LDAH: variants seen among roughly 807,000 people sequenced by gnomAD.
The protein encoded by LDAH is lipid droplet associated hydrolase, also known as lipid droplet-associated hydrolase.
A neutral mutation model predicts 29.6 loss-of-function variants in LDAH; 26 were observed. The ratio of observed to expected loss-of-function variants is 0.88; its 90% CI spans 0.64 to 1.22. The LOEUF (loss-of-function observed/expected upper bound fraction) is 1.22. Ranked by LOEUF, LDAH falls within the 50% of genes most tolerant of loss-of-function variation. The pLI, the probability that LDAH is intolerant of heterozygous loss-of-function variation, is 0.00. For synonymous variants in LDAH, 117 were observed against 133.0 expected (o/e 0.88, Z 0.83); for missense variants, 344 against 387.3 (o/e 0.89, Z 0.94).
At chr2:20,789,048 C>T (rs1038813837) in intron 3 of LDAH, 1 of 1,370,656 alleles carries the variant, frequency 7.3e-7, no homozygotes, top group Admixed American at 2.0e-5. Context: ...AGTAACATCG[C>T]TATTAAATCT....
chr2:20,724,484 A>G (rs71435583), intron 5 of LDAH, among the ~76,000 whole-genome samples: 6,031 of 152,322 alleles, frequency 0.04, 141 homozygotes, highest in Middle Eastern at 0.082. Context: ...AGAGACTGAC[A>G]GAGAAGGTTA....
intron 4 of LDAH, among the ~76,000 whole-genome samples, chr2:20,751,228 T>C (rs1305951645): frequency 6.6e-6 from 1 of 152,208 alleles, no homozygotes; most frequent in Non-Finnish European, 1.5e-5. Flanking sequence ...TTTTTAAAGG[T>C]AAAAAGCATA....
At chr2:20,779,511 C>T (rs932546532) in intron 3 of LDAH, among the ~76,000 whole-genome samples, 3 of 151,364 alleles carry the variant, frequency 2.0e-5, no homozygotes, top group Non-Finnish European at 4.4e-5. Flanking sequence ...TAATTTCTTT[C>T]AAATACACAA....
intron 6 of LDAH, among the ~76,000 whole-genome samples, chr2:20,696,905 A>C (rs1013675693): frequency 6.6e-6 from 1 of 151,942 alleles, no homozygotes; most frequent in African/African-American, 2.4e-5. Context: ...TTATTCATTC[A>C]GTGGCTCCTC....
chr2:20,720,319 G>C (rs1421452477), intron 5 of LDAH, among the ~76,000 whole-genome samples: 10 of 151,946 alleles, frequency 6.6e-5, no homozygotes, highest in African/African-American at 2.4e-4. Flanking sequence ...CGTTTACAGT[G>C]ATCAATCTGA....
chr2:20,754,274 G>A (rs1300227123), intron 4 of LDAH, among the ~76,000 whole-genome samples: 1 of 152,026 alleles, frequency 6.6e-6, no homozygotes, highest in African/African-American at 2.4e-5. Flanking sequence ...GATTGTCTGA[G>A]CTCAGGAGTT....
chr2:20,795,270 C>G (rs1281475917), intron 2 of LDAH, among the ~76,000 whole-genome samples: 1 of 152,152 alleles, frequency 6.6e-6, no homozygotes, highest in South Asian at 2.1e-4. Flanking sequence ...CAAGTATAGA[C>G]TTATACCTTC....
At chr2:20,763,968 T>C (rs1409826602) in intron 4 of LDAH, among the ~76,000 whole-genome samples, 2 of 63,304 alleles carry the variant, frequency 3.2e-5, no homozygotes, top group Admixed American at 2.2e-4. Context: ...AAAGGTGATT[T>C]TTTTTTTTTT....
intron 1 of LDAH, among the ~76,000 whole-genome samples, chr2:20,810,697 G>A (rs547709017): frequency 6.6e-6 from 1 of 152,278 alleles, no homozygotes; most frequent in East Asian, 1.9e-4. Context: ...ATACAACAGG[G>A]GTCCACAATC....
At chr2:20,745,233 G>C (rs992102129) in intron 4 of LDAH, among the ~76,000 whole-genome samples, 1 of 152,172 alleles carries the variant, frequency 6.6e-6, no homozygotes, top group African/African-American at 2.4e-5. Context: ...ATTACAAAGA[G>C]TTTTCCAAAG....
At chr2:20,761,343 G>C (rs1033421827) in intron 4 of LDAH, among the ~76,000 whole-genome samples, 5 of 151,700 alleles carry the variant, frequency 3.3e-5, no homozygotes, top group Non-Finnish European at 4.4e-5. Context: ...GCTAGAACTT[G>C]CAAGGGTACA....
intron 5 of LDAH, among the ~76,000 whole-genome samples, chr2:20,732,706 A>G (rs999942174): frequency 5.9e-5 from 9 of 152,112 alleles, no homozygotes; most frequent in African/African-American, 2.2e-4. Context: ...TATCCTTTTG[A>G]TGGGTGCAGG....
At chr2:20,712,570 C>T (rs11899604) in intron 5 of LDAH, among the ~76,000 whole-genome samples, 23,462 of 151,978 alleles carry the variant, frequency 0.15, 3,168 homozygotes, top group African/African-American at 0.37. Flanking sequence ...TTCTGAAGGT[C>T]GGTAATAACA....
rs570761842 is a variant in LDAH at position 20,810,748 on chromosome 2, T to C, written c.-2-9283A>G. ...GGAACTGGTTAGGAACCAGGCCACA[T>C]AGCAGGAGATAAGCGGCAAGCAAGC... On this transcript the variant is annotated intron_variant, in intron 1 of 6. Coordinates refer to ENST00000237822, the MANE Select transcript of LDAH (RefSeq NM_021925.4). Among the ~76,000 whole-genome samples the C allele has an allele frequency of 3.3e-5, 5 of 152,286 alleles. No individual in the cohort carries two copies. The East Asian group carries it at 9.7e-4, about 29-fold the overall frequency.
chr2:20,777,171 G>C (rs917287459), intron 3 of LDAH, among the ~76,000 whole-genome samples: 1 of 151,986 alleles, frequency 6.6e-6, no homozygotes, highest in Non-Finnish European at 1.5e-5. Flanking sequence ...AAAGAAAATG[G>C]GCTAAATATT....
intron 4 of LDAH, among the ~76,000 whole-genome samples, chr2:20,746,944 G>A (rs1667612514): frequency 6.6e-6 from 1 of 152,126 alleles, no homozygotes; most frequent in East Asian, 1.9e-4. Context: ...AGGTAAATAT[G>A]CACACTGGGA....
At position 20,685,797 on chromosome 2, in the gene LDAH, C is replaced by A; in HGVS notation, c.*1106G>T. On this transcript the variant is annotated 3_prime_UTR_variant, in exon 7 of 7. Coordinates refer to ENST00000237822, the MANE Select transcript of LDAH (RefSeq NM_021925.4). ...GGAATATGTGTCTTCTCTGCCATAC[C>A]TCAATGTGTCTAGAGAAGGTGAATT... 1.0e-6 allele frequency: 1 copy of A among 1,001,604 alleles called. No homozygotes were observed. Among genetic ancestry groups the A allele is most frequent in the Non-Finnish European group, 1.4e-6 (1 of 706,844 alleles). The allele number at this position is 1,001,604 out of a possible 1,614,324, so 62.0% of individuals were successfully genotyped here.
chr2:20,781,467 T>C (rs1485607688), intron 3 of LDAH, among the ~76,000 whole-genome samples: 1 of 152,252 alleles, frequency 6.6e-6, no homozygotes, highest in African/African-American at 2.4e-5. Flanking sequence ...TTATTTTGCA[T>C]GCCAGAAAAT....
At chr2:20,777,583 G>A (rs147052077) in intron 3 of LDAH, among the ~76,000 whole-genome samples, 207 of 151,754 alleles carry the variant, frequency 1.4e-3, no homozygotes, top group Non-Finnish European at 2.4e-3. Context: ...CAGGCCTGGT[G>A]AATTTTTGTA....
Sources: gnomAD v4.1 joint callset for allele counts (sites outside exome capture counted in the v4.1 genomes callset) on GRCh38, gnomAD v4.1.1 for gene constraint, MANE v1.5 for transcripts, NCBI Gene and HGNC (gene_info 2026-07-23, HGNC 2026-07-21) for gene names.